Variants in CARS2 observed in about 807,000 individuals in gnomAD.
CARS2 encodes probable cysteine--tRNA ligase, mitochondrial.
CARS2 carries 52 observed loss-of-function variants against 68.8 expected under a neutral mutation model. The observed-to-expected ratio is 0.76, with a 90% CI of 0.61 to 0.95. The LOEUF (loss-of-function observed/expected upper bound fraction) is 0.95, where lower values mean the gene tolerates loss of function less well. Among genes scored for constraint, CARS2 ranks in the 40% least tolerant of loss-of-function variants. CARS2 has a pLI of 0.00. For synonymous variants in CARS2, 314 were observed against 303.6 expected (o/e 1.03, Z -0.36); for missense variants, 780 against 754.2 (o/e 1.03, Z -0.40).
chr13:110,654,921 C>CA (rs34662096), intron 9 of CARS2, among the ~76,000 whole-genome samples: 18,223 of 83,226 alleles, frequency 0.22, 1,776 homozygotes, highest in Admixed American at 0.3. Flanking sequence ...AACCCTCTCT[C>CA]AAAAAAAAAA....
At chr13:110,667,581 A>G (rs907665919) in intron 7 of CARS2, 108 bp from the exon 8 acceptor site, 1 of 989,938 alleles carries the variant, frequency 1.0e-6, no homozygotes, top group African/African-American at 1.7e-5. Context: ...GAATAAATGG[A>G]TCTCAGTTTT....
At chr13:110,667,520 T>C in intron 7 of CARS2, 47 bp from the exon 8 acceptor site, 1 of 1,584,932 alleles carries the variant, frequency 6.3e-7, no homozygotes, top group East Asian at 2.3e-5. Flanking sequence ...TCAAGCAACA[T>C]ATTTTCTTCT....
Position 110,657,553 on chromosome 13 carries a change from G to C in CARS2, c.987+5898C>G, listed in dbSNP as rs552362393. 3.9e-5 allele frequency among the ~76,000 whole-genome samples: 6 copies of C among 152,266 alleles called. No individual in the cohort carries two copies. In the South Asian group the frequency reaches 1.2e-3, roughly 32 times the overall value. ...ACACCCAAAAGATAATGACTGAATT[G>C]ACAATACACTAAATAAATATAAATC... On this transcript the variant is annotated intron_variant, in intron 9 of 14. Transcript: ENST00000257347.
chr13:110,706,004 C>G lies in CARS2; in HGVS notation c.90G>C (p.Ala30=), dbSNP rs769119567. 1.4e-5 allele frequency: 21 copies of G among 1,496,138 alleles called. No homozygotes were observed. The East Asian group carries it at 5.4e-4, about 38-fold the overall frequency. 92.7% of individuals were successfully genotyped at this position (1,496,138 alleles called of 1,614,324 possible). A position where few individuals can be genotyped will look rare whatever the true frequency, so the allele number is the denominator to read the frequency against. The change falls in exon 1 of 15, where the codon GCG becomes GCC. Residue 30 remains alanine, a synonymous_variant. Coordinates refer to ENST00000257347, the MANE Select transcript of CARS2 (RefSeq NM_024537.4). The part of the protein sequence containing the change: ...GLGRAGWHWP[A]GRAASGGRGR... ...CGCGCCCCCCGCTCGCCGCCCGGCC[C>G]GCAGGCCAGTGCCACCCAGCCCGCC...
chr13:110,670,695 G>A lies in CARS2; in HGVS notation c.786-3222C>T, dbSNP rs1471325716. Reference sequence around the variant, plus strand: ...AGCTCCTCACCAGCAATGGAACAAAGCTGGACAGAGAATGACTTTGATGAG... The same window carrying A: ...AGCTCCTCACCAGCAATGGAACAAAACTGGACAGAGAATGACTTTGATGAG... On this transcript the variant is annotated intron_variant, in intron 7 of 14. Transcript: ENST00000257347. This position sits in a 1 kb window ranked among gnomAD's most constrained non-coding sequence, Gnocchi z 4.1. 6.6e-6 allele frequency among the ~76,000 whole-genome samples: 1 copy of A among 152,200 alleles called. No individual in the cohort carries two copies. Among genetic ancestry groups the A allele is most frequent in the African/African-American group, 2.4e-5 (1 of 41,448 alleles).
exon 1 of CARS2, chr13:110,713,289 T>A (rs955372139): frequency 7.8e-7 from 1 of 1,279,170 alleles, no homozygotes; most frequent in Non-Finnish European, 9.9e-7. Context: ...CGAGTTGCGG[T>A]AGTTGCTGTG....
intron 5 of CARS2, among the ~76,000 whole-genome samples, chr13:110,683,658 C>T (rs1368969732): frequency 2.6e-5 from 4 of 152,122 alleles, no homozygotes; most frequent in African/African-American, 7.2e-5. Context: ...ATGTTACACA[C>T]CAGCTAGCAA....
At chr13:110,708,933 T>TA (rs1332683404), upstream of CARS2, among the ~76,000 whole-genome samples, 1 of 151,934 alleles carries the variant, frequency 6.6e-6, no homozygotes, top group African/African-American at 2.4e-5. Context: ...TTTGTATTTT[T>TA]AGTAGAGATG....
chr13:110,642,806 C>A, intron 13 of CARS2: 1 of 679,836 alleles, frequency 1.5e-6, no homozygotes, highest in Non-Finnish European at 2.7e-6. Context: ...CCGCCCCGCC[C>A]TGAACACAAA....
chr13:110,647,319 T>C lies in CARS2; in HGVS notation c.1055-80A>G. On this transcript the variant is annotated intron_variant, in intron 10 of 14. Transcript: ENST00000257347. ...CTGGTCCAGCAGAATCAGTGTTTTC[T>C]GAGGGCACTGCCACCCAGGGACCAC... The C allele has an allele frequency of 3.9e-6, 6 of 1,520,054 alleles. No individual in the cohort carries two copies. In the South Asian group the frequency reaches 7.3e-5, roughly 19 times the overall value. The allele number at this position is 1,520,054 out of a possible 1,614,324, so 94.2% of individuals were successfully genotyped here.
intron 3 of CARS2, among the ~76,000 whole-genome samples, chr13:110,690,881 G>C (rs1160272011): frequency 6.6e-6 from 1 of 152,216 alleles, no homozygotes; most frequent in Non-Finnish European, 1.5e-5. Context: ...TGCTCTTTAA[G>C]CTTTTACCTC....
At chr13:110,661,701 A>G (rs2062506264) in intron 9 of CARS2, among the ~76,000 whole-genome samples, 1 of 152,150 alleles carries the variant, frequency 6.6e-6, no homozygotes, top group East Asian at 1.9e-4. Context: ...GGAAAGTGAG[A>G]GATGTGTGAC....
intron 12 of CARS2, 195 bp downstream of exon 12, chr13:110,645,772 C>G: frequency 3.1e-6 from 2 of 635,720 alleles, no homozygotes; most frequent in Non-Finnish European, 5.1e-6. Context: ...CCCTGAGGCC[C>G]GGGAGGGTCA....
Position 110,676,464 on chromosome 13 carries a change from A to T in CARS2, c.785+510T>A, listed in dbSNP as rs1429450656. Among the ~76,000 whole-genome samples, 1 of 152,166 alleles carries T rather than the reference A, an allele frequency of 6.6e-6. No individual in the cohort carries two copies. The highest frequency in any genetic ancestry group is 1.5e-5 in the Non-Finnish European group (1 of 68,022). ...CAGGCAGCTGCGGTCCCAGGCAGAC[A>T]GTGGGAAGAGGAGCTTTGGTGACAG... On this transcript the variant is annotated intron_variant, in intron 7 of 14. Coordinates refer to ENST00000257347, the MANE Select transcript of CARS2 (RefSeq NM_024537.4). This position sits in a 1 kb window ranked among gnomAD's most constrained non-coding sequence, Gnocchi z 4.0.
intron 6 of CARS2, among the ~76,000 whole-genome samples, chr13:110,682,283 T>C (rs1399541653): frequency 1.3e-5 from 2 of 152,210 alleles, no homozygotes; most frequent in Non-Finnish European, 2.9e-5. Flanking sequence ...TCCACATGTG[T>C]AAGCAAAGCC....
rs530033164 is a variant in CARS2 at position 110,668,125 on chromosome 13, C to T, written c.786-652G>A. ...AGAAATTTCTAAGGTGCCAACACCTCGCAGAGGTCCTTCCTGCTCCCACTG... is the reference window on the plus strand; with the variant it reads ...AGAAATTTCTAAGGTGCCAACACCTTGCAGAGGTCCTTCCTGCTCCCACTG... On this transcript the variant is annotated intron_variant, in intron 7 of 14. Coordinates refer to ENST00000257347, the MANE Select transcript of CARS2 (RefSeq NM_024537.4). This position sits in a 1 kb window ranked among gnomAD's most constrained non-coding sequence, Gnocchi z 4.1. Among the ~76,000 whole-genome samples, 23 of 152,348 alleles carry T rather than the reference C, an allele frequency of 1.5e-4. No individual in the cohort carries two copies. The South Asian group carries it at 3.7e-3, about 25-fold the overall frequency.
upstream of CARS2, chr13:110,706,128 G>T: frequency 7.8e-7 from 1 of 1,281,726 alleles, no homozygotes; most frequent in Non-Finnish European, 9.8e-7. Flanking sequence ...GGCGGAGACG[G>T]GAGCCACGCC....
intron 6 of CARS2, among the ~76,000 whole-genome samples, chr13:110,677,410 A>G (rs2062989778): frequency 6.8e-6 from 1 of 147,114 alleles, no homozygotes; most frequent in South Asian, 2.2e-4. Context: ...AGTCACCCTT[A>G]CCACGGAAAC....
At chr13:110,645,823 T>TC in intron 12 of CARS2, 144 bp downstream of exon 12, 1 of 1,112,708 alleles carries the variant, frequency 9.0e-7, no homozygotes, top group Admixed American at 2.4e-5. Flanking sequence ...AGCGGCAGAC[T>TC]CGGGCTCCAT....
Sources: allele counts gnomAD v4.1 joint callset (sites outside exome capture counted in the v4.1 genomes callset), GRCh38; gene constraint gnomAD v4.1.1; non-coding constraint Gnocchi (gnomAD v3.1); transcripts MANE v1.5; gene names NCBI Gene and HGNC (gene_info 2026-07-23, HGNC 2026-07-21).